Variants in HTR4 observed in about 807,000 individuals in gnomAD.
HTR4 encodes 5-hydroxytryptamine receptor 4, also known as 5-hydroxytryptamine (serotonin) receptor 4, G protein-coupled.
Under a neutral mutation model 36.8 loss-of-function variants are expected in HTR4, and 16 were observed. The observed-to-expected ratio is 0.43, with a 90% confidence interval of 0.29 to 0.66. The LOEUF (loss-of-function observed/expected upper bound fraction) is 0.66, where lower values mean the gene tolerates loss of function less well. Ranked by LOEUF, HTR4 falls within the 30% of genes least tolerant of loss-of-function variation. The pLI, the probability that HTR4 is intolerant of heterozygous loss-of-function variation, is 0.13. For missense variants in HTR4, 438 were observed against 490.9 expected, an observed-to-expected ratio of 0.89 and a Z score of 1.02; for synonymous variants, 189 against 185.1, an observed-to-expected ratio of 1.02 and a Z score of -0.17.
intron 2 of HTR4, among the ~76,000 whole-genome samples, chr5:148,619,612 C>G (rs1377704012): frequency 6.6e-6 from 1 of 152,084 alleles, no homozygotes; most frequent in Non-Finnish European, 1.5e-5. Context: ...ACTAATGAAG[C>G]CAGCAGGAGC....
chr5:148,464,355 T>G (rs1755366986), intron 5 of HTR4, among the ~76,000 whole-genome samples: 1 of 152,212 alleles, frequency 6.6e-6, no homozygotes, highest in Non-Finnish European at 1.5e-5. Context: ...AAAGGCATAC[T>G]ATTATCCAAA....
chr5:148,622,001 C>T (rs1225198289), intron 2 of HTR4, among the ~76,000 whole-genome samples: 1 of 152,128 alleles, frequency 6.6e-6, no homozygotes, highest in African/African-American at 2.4e-5. Context: ...TCCTGAGACC[C>T]AGATGCCAAT....
intron 2 of HTR4, among the ~76,000 whole-genome samples, chr5:148,576,170 A>G (rs368064535): frequency 6.6e-6 from 1 of 150,410 alleles, no homozygotes; most frequent in African/African-American, 2.4e-5. Flanking sequence ...ATTCCTATAT[A>G]CCAACAACAG....
At chr5:148,609,276 GATCA>G (rs1199974295) in intron 2 of HTR4, among the ~76,000 whole-genome samples, 8 of 152,142 alleles carry the variant, frequency 5.3e-5, no homozygotes, top group African/African-American at 1.9e-4. Flanking sequence ...TCCACTGATT[GATCA>G]CATGCCCCCA....
At chr5:148,467,946 AC>A (rs1755470596) in intron 5 of HTR4, among the ~76,000 whole-genome samples, 1 of 152,086 alleles carries the variant, frequency 6.6e-6, no homozygotes, top group South Asian at 2.1e-4. Context: ...TTTCCCCCAA[AC>A]CCCACTTCCC....
rs1160479634 is a variant in HTR4 at position 148,611,829 on chromosome 5, G to A, written c.26+25160C>T. Among the ~76,000 whole-genome samples the A allele has an allele frequency of 4.6e-5, 7 of 150,924 alleles. No homozygotes were observed. The East Asian group carries it at 1.4e-3, about 30-fold the overall frequency. On this transcript the variant is annotated intron_variant, in intron 2 of 6. Transcript: ENST00000377888. ...ATAGGCTCAAAATAAAAGGATGGAGGAAGATCTACCAAGCAAATGGAAAAC... is the reference window on the plus strand; with the variant it reads ...ATAGGCTCAAAATAAAAGGATGGAGAAAGATCTACCAAGCAAATGGAAAAC...
At chr5:148,565,101 C>A (rs1267846971) in intron 2 of HTR4, among the ~76,000 whole-genome samples, 1 of 135,736 alleles carries the variant, frequency 7.4e-6, no homozygotes, top group Admixed American at 7.4e-5. Context: ...CAGAGTGAGA[C>A]TCCATCTAAA....
downstream of HTR4, among the ~76,000 whole-genome samples, chr5:148,479,035 T>C (rs1435200614): frequency 1.3e-5 from 2 of 151,940 alleles, no homozygotes; most frequent in African/African-American, 2.4e-5. Context: ...TCAGCAGGGA[T>C]GCACATGCTT....
At chr5:148,615,448 C>T (rs1428831514) in intron 2 of HTR4, among the ~76,000 whole-genome samples, 1 of 145,070 alleles carries the variant, frequency 6.9e-6, no homozygotes, top group African/African-American at 2.6e-5. Flanking sequence ...CCAAACACTG[C>T]ATATTCTCAC....
intron 5 of HTR4, among the ~76,000 whole-genome samples, chr5:148,517,190 A>G (rs547641217): frequency 7.9e-5 from 12 of 152,114 alleles, no homozygotes; most frequent in Non-Finnish European, 1.3e-4. Flanking sequence ...TTTAAGGCAT[A>G]TTTGCTTCCA....
intron 2 of HTR4, among the ~76,000 whole-genome samples, chr5:148,580,730 C>G (rs1207246830): frequency 3.3e-5 from 5 of 152,000 alleles, no homozygotes; most frequent in Non-Finnish European, 7.4e-5. Context: ...AAATAATATT[C>G]AACTTTATGT....
At chr5:148,584,694 A>G (rs1199218067) in intron 2 of HTR4, among the ~76,000 whole-genome samples, 1 of 151,830 alleles carries the variant, frequency 6.6e-6, no homozygotes, top group Non-Finnish European at 1.5e-5. Flanking sequence ...CTCTTTTTCA[A>G]CCTCCCTGGC....
intron 2 of HTR4, among the ~76,000 whole-genome samples, chr5:148,632,212 G>A (rs1416389282): frequency 6.6e-6 from 1 of 152,126 alleles, no homozygotes; most frequent in Non-Finnish European, 1.5e-5. Flanking sequence ...GCTTGTTAGA[G>A]CCATTGTACA....
chr5:148,544,457 A>G (rs985950438), intron 4 of HTR4, among the ~76,000 whole-genome samples: 5 of 152,120 alleles, frequency 3.3e-5, no homozygotes, highest in Admixed American at 2.0e-4. Flanking sequence ...ATAATACACC[A>G]GTGATATATT....
intron 6 of HTR4, among the ~76,000 whole-genome samples, chr5:148,502,039 G>A (rs966836506): frequency 2.7e-5 from 4 of 150,576 alleles, no homozygotes; most frequent in South Asian, 2.1e-4. Flanking sequence ...CAGCCTGGGC[G>A]ACAGAGCGAA....
intron 2 of HTR4, among the ~76,000 whole-genome samples, chr5:148,569,800 A>G (rs1760603461): frequency 6.6e-6 from 1 of 152,064 alleles, no homozygotes; most frequent in African/African-American, 2.4e-5. Context: ...ATATAAGTAG[A>G]TCCAGAGGTC....
intron 2 of HTR4, among the ~76,000 whole-genome samples, chr5:148,597,790 A>T (rs1235768246): frequency 6.6e-6 from 1 of 152,230 alleles, no homozygotes; most frequent in Non-Finnish European, 1.5e-5. Flanking sequence ...AGCCTATATT[A>T]TATCCTTGCC....
chr5:148,582,146 G>A (rs1486260028), intron 2 of HTR4, among the ~76,000 whole-genome samples: 1 of 152,002 alleles, frequency 6.6e-6, no homozygotes, highest in Non-Finnish European at 1.5e-5. Context: ...TTAAAGAATA[G>A]ATATGCAACT....
chr5:148,562,117 G>C (rs1191383728), intron 2 of HTR4, among the ~76,000 whole-genome samples: 2 of 152,224 alleles, frequency 1.3e-5, no homozygotes, highest in African/African-American at 4.8e-5. Context: ...CCAGCCTGCT[G>C]TCTGTTTTTG....
Sources: allele counts gnomAD v4.1 joint callset (sites outside exome capture counted in the v4.1 genomes callset), GRCh38; gene constraint gnomAD v4.1.1; transcripts MANE v1.5; gene names NCBI Gene and HGNC (gene_info 2026-07-23, HGNC 2026-07-21).